The following PTPN12 variants were observed in gnomAD, a reference collection of about 807,000 sequenced individuals.
The protein encoded by PTPN12 is tyrosine-protein phosphatase non-receptor type 12.
A neutral mutation model predicts 97.6 loss-of-function variants in PTPN12; 29 were observed. The observed-to-expected ratio is 0.30, with a 90% CI of 0.22 to 0.41. The LOEUF (loss-of-function observed/expected upper bound fraction) is 0.41, where lower values mean the gene tolerates loss of function less well. PTPN12 is among the 10% of genes least tolerant of loss of function. The probability of loss-of-function intolerance (pLI) is 1.00; values close to 1 mark genes in which losing one functional copy is unlikely to be tolerated. For synonymous variants in PTPN12, 327 were observed against 300.4 expected (o/e 1.09, Z -0.91); for missense variants, 819 against 926.0 (o/e 0.88, Z 1.50).
chr7:77,550,774 T>C (rs1290338377), intron 1 of PTPN12, among the ~76,000 whole-genome samples: 1 of 152,222 alleles, frequency 6.6e-6, no homozygotes, highest in Non-Finnish European at 1.5e-5. Context: ...TTTGGCTGAC[T>C]TTCTCGAAAC....
intron 2 of PTPN12, among the ~76,000 whole-genome samples, chr7:77,573,779 G>T (rs1164299525): frequency 1.3e-5 from 2 of 152,074 alleles, no homozygotes; most frequent in African/African-American, 4.8e-5. Context: ...CTTTGTTTTT[G>T]AAACGGTGTC....
At chr7:77,580,431 G>T (rs1787477610) in intron 2 of PTPN12, among the ~76,000 whole-genome samples, 1 of 152,224 alleles carries the variant, frequency 6.6e-6, no homozygotes, top group African/African-American at 2.4e-5. Context: ...AGAACAGCAT[G>T]TATAGGATGC....
At chr7:77,591,260 A>T (rs535867944) in intron 5 of PTPN12, among the ~76,000 whole-genome samples, 1 of 152,296 alleles carries the variant, frequency 6.6e-6, no homozygotes, top group Non-Finnish European at 1.5e-5. Context: ...TTTAATTAGG[A>T]ATTCATTAAC....
chr7:77,624,567 G>C (rs1789065950), intron 12 of PTPN12, among the ~76,000 whole-genome samples: 1 of 151,938 alleles, frequency 6.6e-6, no homozygotes, highest in African/African-American at 2.4e-5. Flanking sequence ...AGCTTCCTGA[G>C]TAGCTGGGAT....
intron 5 of PTPN12, among the ~76,000 whole-genome samples, chr7:77,589,167 T>C (rs1787787781): frequency 6.6e-6 from 1 of 152,156 alleles, no homozygotes; most frequent in Non-Finnish European, 1.5e-5. Context: ...TAATCCCATG[T>C]AATCCACCGC....
chr7:77,610,084 T>C (rs1351912977), intron 9 of PTPN12, among the ~76,000 whole-genome samples: 1 of 152,198 alleles, frequency 6.6e-6, no homozygotes, highest in African/African-American at 2.4e-5. Context: ...GATACAAAAA[T>C]TGTGTGAATA....
chr7:77,637,739 C>G (rs951976039), intron 16 of PTPN12, among the ~76,000 whole-genome samples: 15 of 150,754 alleles, frequency 9.9e-5, no homozygotes, highest in African/African-American at 3.6e-4. Flanking sequence ...TGCCTGTAAT[C>G]CCAGCTACTA....
At chr7:77,565,395 G>A (rs1320888813) in intron 1 of PTPN12, among the ~76,000 whole-genome samples, 2 of 152,222 alleles carry the variant, frequency 1.3e-5, no homozygotes, top group South Asian at 2.1e-4. Context: ...GGAGAAGAGC[G>A]AGATAAAGGA....
intron 1 of PTPN12, among the ~76,000 whole-genome samples, chr7:77,548,935 C>G (rs193151790): frequency 7.2e-5 from 11 of 152,282 alleles, no homozygotes; most frequent in Admixed American, 7.2e-4. Flanking sequence ...TGCACACCTG[C>G]TTTACTATTA....
chr7:77,558,692 G>C (rs982939515), intron 1 of PTPN12, among the ~76,000 whole-genome samples: 1 of 152,166 alleles, frequency 6.6e-6, no homozygotes, highest in South Asian at 2.1e-4. Context: ...ATTATCCCCT[G>C]ATAAGAGTGG....
At chr7:77,551,210 G>A (rs999763499) in intron 1 of PTPN12, among the ~76,000 whole-genome samples, 5 of 152,140 alleles carry the variant, frequency 3.3e-5, no homozygotes, top group East Asian at 1.9e-4. Context: ...ACAGGTGTGC[G>A]CCACCACACC....
intron 1 of PTPN12, among the ~76,000 whole-genome samples, chr7:77,541,104 T>G (rs1323232465): frequency 6.6e-6 from 1 of 152,184 alleles, no homozygotes; most frequent in Non-Finnish European, 1.5e-5. Context: ...TTTTGTTCTG[T>G]TTTTGAGACA....
intron 9 of PTPN12, among the ~76,000 whole-genome samples, chr7:77,609,774 C>T (rs1435743291): frequency 1.3e-5 from 2 of 151,446 alleles, no homozygotes; most frequent in East Asian, 2.0e-4. Flanking sequence ...CCAGCTACTC[C>T]GGAGGCTGAG....
rs182994278 is a variant in PTPN12 at position 77,633,363 on chromosome 7, A to G, written c.2074+938A>G. On this transcript the variant is annotated intron_variant, in intron 14 of 17. Transcript: ENST00000248594. Reference sequence around the variant, plus strand: ...ATTGACTCATGCCTGTAATCCTGCCACTTTGGGAGACCAAGGCGGGCAGAT... The same window carrying G: ...ATTGACTCATGCCTGTAATCCTGCCGCTTTGGGAGACCAAGGCGGGCAGAT... Among the ~76,000 whole-genome samples the G allele has an allele frequency of 6.2e-3, 942 of 152,302 alleles. 5 individuals carry two copies. The highest frequency in any genetic ancestry group is 0.037 in the Middle Eastern group (11 of 294).
chr7:77,614,284 A>C (rs1788677246), intron 11 of PTPN12, among the ~76,000 whole-genome samples: 1 of 152,218 alleles, frequency 6.6e-6, no homozygotes, highest in African/African-American at 2.4e-5. Context: ...AATTAGATCA[A>C]AGTCTGATCT....
intron 8 of PTPN12, among the ~76,000 whole-genome samples, chr7:77,604,290 G>A (rs1584177213): frequency 2.7e-5 from 3 of 112,732 alleles, no homozygotes; most frequent in East Asian, 2.9e-4. Context: ...ATCTTGGCTT[G>A]CTGCAACCTC....
At chr7:77,611,087 C>A (rs771144118) in intron 11 of PTPN12, 41 bp downstream of exon 11, 2 of 1,465,018 alleles carry the variant, frequency 1.4e-6, no homozygotes, top group South Asian at 2.3e-5. Flanking sequence ...AACTTTTACT[C>A]TTTGTTAAGA....
intron 8 of PTPN12, among the ~76,000 whole-genome samples, chr7:77,602,462 A>C (rs1219206397): frequency 6.6e-6 from 1 of 152,144 alleles, no homozygotes; most frequent in Admixed American, 6.6e-5. Context: ...TCAAGAAAAT[A>C]ATAAATGTTT....
intron 8 of PTPN12, 138 bp downstream of exon 8, chr7:77,600,944 G>A: frequency 1.4e-6 from 1 of 699,510 alleles, no homozygotes; most frequent in Non-Finnish European, 2.3e-6. Context: ...GGCCTTGTAA[G>A]TTGATGTGGT....
Sources: allele counts gnomAD v4.1 joint callset (sites outside exome capture counted in the v4.1 genomes callset), GRCh38; gene constraint gnomAD v4.1.1; transcripts MANE v1.5; gene names NCBI Gene and HGNC (gene_info 2026-07-23, HGNC 2026-07-21).